NGFR: variants seen among roughly 807,000 people sequenced by gnomAD.
NGFR encodes the protein tumor necrosis factor receptor superfamily member 16.
In NGFR, 30 loss-of-function variants were observed where a neutral mutation model predicts 43.2. The observed-to-expected ratio is 0.69, with a 90% CI of 0.52 to 0.94. The LOEUF (loss-of-function observed/expected upper bound fraction) is 0.94. Among genes scored for constraint, NGFR ranks in the 40% least tolerant of loss-of-function variants. NGFR has a pLI of 0.00. For synonymous variants in NGFR, 246 were observed against 259.6 expected (o/e 0.95, Z 0.50); for missense variants, 529 against 602.5 (o/e 0.88, Z 1.28).
chr17:49,501,240 G>A (rs2071165439), intron 1 of NGFR, among the ~76,000 whole-genome samples: 1 of 152,208 alleles, frequency 6.6e-6, no homozygotes, highest in Non-Finnish European at 1.5e-5. Flanking sequence ...TGGGGGAGGG[G>A]GAGGACTGGT....
At position 49,498,019 on chromosome 17, in the gene NGFR, C is replaced by T. The variant is rs760361544; in HGVS notation, c.66+2536C>T. ...GTAGTTTCTCTTGAATTATTTAATC[C>T]TTATAAGGTCCTAGCAAGGTGAATT... On this transcript the variant is annotated intron_variant, in intron 1 of 5. Transcript: ENST00000172229. 2.6e-5 allele frequency among the ~76,000 whole-genome samples: 4 copies of T among 152,336 alleles called. No homozygotes were observed. The South Asian group carries it at 8.3e-4, about 32-fold the overall frequency.
rs778456477 is a variant in NGFR, at chr17:49,506,609, C to A, written c.519C>A (p.Thr173=). 1.9e-6 allele frequency: 3 copies of A among 1,601,454 alleles called. No homozygotes were observed. The highest frequency in any genetic ancestry group is 2.2e-5 in the South Asian group (2 of 90,232). ...TGCCCTGCACCGTGTGCGAGGACACCGAGCGCCAGCTCCGCGAGTGCACAC... is the reference window on the plus strand; with the variant it reads ...TGCCCTGCACCGTGTGCGAGGACACAGAGCGCCAGCTCCGCGAGTGCACAC... ...PCLPCTVCED[T]ERQLRECTRW... Residue 173 remains threonine, a synonymous_variant, in exon 3 of 6, where the codon ACC becomes ACA. Transcript: ENST00000172229.
At chr17:49,508,423 C>G (rs527465123) in intron 3 of NGFR, among the ~76,000 whole-genome samples, 34 of 152,304 alleles carry the variant, frequency 2.2e-4, no homozygotes, top group African/African-American at 8.2e-4. Context: ...TCATACCAGA[C>G]CCTGTTCCCC....
chr17:49,503,040 T>C (rs995715148), intron 2 of NGFR, among the ~76,000 whole-genome samples: 3 of 152,108 alleles, frequency 2.0e-5, no homozygotes, highest in Admixed American at 1.3e-4. Flanking sequence ...CTCAGCCTCC[T>C]GAGTAGCTGG....
chr17:49,504,256 C>T (rs1023638121), intron 2 of NGFR, among the ~76,000 whole-genome samples: 1 of 152,220 alleles, frequency 6.6e-6, no homozygotes, highest in Non-Finnish European at 1.5e-5. Context: ...CTGTGTTTTG[C>T]CATGAGCAGG....
At position 49,506,505 on chromosome 17, in the gene NGFR, C is replaced by G; in HGVS notation, c.415C>G (p.Gln139Glu). ...EAGSGLVFSC[Q>E]DKQNTVCEEC... The stretch of plus-strand genomic sequence containing the variant: ...GGGCTCGGGCCTCGTGTTCTCCTGC[C>G]AGGACAAGCAGAACACCGTGTGCGA... Residue 139 changes from glutamine to glutamate, a missense_variant, in exon 3 of 6, where the codon CAG (glutamine) becomes GAG (glutamate). Gln to Glu is a conservative substitution (Grantham distance 29, BLOSUM62 2). Coordinates refer to ENST00000172229, the MANE Select transcript of NGFR (RefSeq NM_002507.4). 6.2e-7 allele frequency: 1 copy of G among 1,611,618 alleles called. No individual in the cohort carries two copies. Among genetic ancestry groups the G allele is most frequent in the Non-Finnish European group, 8.5e-7 (1 of 1,179,552 alleles).
chr17:49,497,107 C>A (rs1268629184), intron 1 of NGFR: 1 of 152,282 alleles, frequency 6.6e-6, no homozygotes, highest in Non-Finnish European at 1.5e-5. Context: ...GGTACTCCCC[C>A]ACCTTTTCAG....
intron 3 of NGFR, among the ~76,000 whole-genome samples, chr17:49,507,005 A>G (rs1368227102): frequency 6.6e-6 from 1 of 152,212 alleles, no homozygotes; most frequent in Non-Finnish European, 1.5e-5. Context: ...CTGAACAGCA[A>G]GCAGCTCGAA....
At chr17:49,503,779 G>C (rs1241189850) in intron 2 of NGFR, among the ~76,000 whole-genome samples, 1 of 152,180 alleles carries the variant, frequency 6.6e-6, no homozygotes, top group African/African-American at 2.4e-5. Flanking sequence ...CAGGGCGGGG[G>C]TGGCCAACCA....
chr17:49,503,678 C>T (rs902738076), intron 2 of NGFR, among the ~76,000 whole-genome samples: 46 of 152,326 alleles, frequency 3.0e-4, no homozygotes, highest in African/African-American at 1.0e-3. Context: ...AATGCCTGGG[C>T]GTATGTGTGG....
chr17:49,502,815 T>TCTTTCTTCCTTCCTTCCTTCCTTCCTTC (rs750931350), intron 2 of NGFR, among the ~76,000 whole-genome samples: 2 of 121,504 alleles, frequency 1.6e-5, no homozygotes, highest in African/African-American at 6.2e-5. Context: ...GCCTGGGATT[T>TCTTTCTTCCTTCCTTCCTTCCTTCCTTC]CTTCCTTCCT....
chr17:49,510,611 C>T lies in NGFR; in HGVS notation c.768C>T (p.Cys256=). The T allele has an allele frequency of 6.2e-7, 1 of 1,613,984 alleles. No homozygotes were observed. The highest frequency in any genetic ancestry group is 1.6e-4 in the Middle Eastern group (1 of 6,062). ...CCGACAACCTCATCCCTGTCTATTG[C>T]TCCATCCTGGCTGCTGTGGTTGTGG... ...GTTDNLIPVY[C]SILAAVVVGL... is the part of the protein sequence containing the mutation. The change falls in exon 4 of 6, where the codon TGC becomes TGT. Residue 256 remains cysteine, a synonymous_variant. Coordinates refer to ENST00000172229, the MANE Select transcript of NGFR (RefSeq NM_002507.4).
intron 3 of NGFR, 131 bp from the exon 4 acceptor site, chr17:49,510,281 C>A: frequency 7.6e-7 from 1 of 1,320,192 alleles, no homozygotes; most frequent in Non-Finnish European, 1.0e-6. Context: ...GCAATCCCAG[C>A]TGTGCATAAC....
chr17:49,512,818 G>T lies in NGFR; in HGVS notation c.1093G>T (p.Glu365Ter). The T allele has an allele frequency of 6.2e-7, 1 of 1,613,438 alleles. No individual in the cohort carries two copies. Among genetic ancestry groups the T allele is most frequent in the Middle Eastern group, 1.7e-4 (1 of 6,060 alleles). The change falls in exon 6 of 6, where the codon GAG becomes TAG. Residue 365 changes from glutamate to a stop codon, truncating the protein, a stop_gained. Coordinates refer to ENST00000172229, the MANE Select transcript of NGFR (RefSeq NM_002507.4). LOFTEE classifies it high-confidence loss of function. The surrounding 1 kb of genome is among the most constrained non-coding windows in gnomAD (Gnocchi z 5.2). ...AGDTWRHLAG[E>*]LGYQPEHIDS... ...GGACACCTGGCGGCACCTGGCGGGCGAGCTGGGCTACCAGCCCGAGCACAT... is the reference window on the plus strand; with the variant it reads ...GGACACCTGGCGGCACCTGGCGGGCTAGCTGGGCTACCAGCCCGAGCACAT...
In NGFR at chr17:49,512,970, G is replaced by C; in HGVS notation, c.1245G>C (p.Glu415Asp). The C allele has an allele frequency of 3.7e-6, 6 of 1,604,882 alleles. No homozygotes were observed. Among genetic ancestry groups the C allele is most frequent in the Non-Finnish European group, 5.1e-6 (6 of 1,175,814 alleles). The change falls in exon 6 of 6, where the codon GAG becomes GAC. Residue 415 changes from glutamate to aspartate, a missense_variant. Coordinates refer to ENST00000172229, the MANE Select transcript of NGFR (RefSeq NM_002507.4). The surrounding 1 kb of genome is among the most constrained non-coding windows in gnomAD (Gnocchi z 5.2). ...GCATCCAGCGAGCCGACCTCGTGGA[G>C]AGTCTGTGCAGTGAGTCCACTGCCA... ...LRRIQRADLV[E>D]SLCSESTATS...
intron 3 of NGFR, 40 bp downstream of exon 3, chr17:49,506,698 G>T (rs2071201813): frequency 4.7e-6 from 2 of 423,394 alleles, no homozygotes; most frequent in Non-Finnish European, 8.1e-6. Context: ...GGGGGTGCGG[G>T]GGTGGGCTGG....
At chr17:49,497,177 T>G (rs4239164) in intron 1 of NGFR, 1 of 151,130 alleles carries the variant, frequency 6.6e-6, no homozygotes, top group Non-Finnish European at 1.5e-5. Context: ...GCGGGGGGGG[T>G]TGACACTGTC....
intron 1 of NGFR, among the ~76,000 whole-genome samples, chr17:49,500,660 T>TG (rs1460250432): frequency 6.6e-6 from 1 of 152,218 alleles, no homozygotes; most frequent in Non-Finnish European, 1.5e-5. Flanking sequence ...AGCCTGCATC[T>TG]GGGACCCTGA....
chr17:49,499,629 C>A (rs1162608562), intron 1 of NGFR, among the ~76,000 whole-genome samples: 1 of 151,968 alleles, frequency 6.6e-6, no homozygotes, highest in African/African-American at 2.4e-5. Flanking sequence ...ACTCTGCCAC[C>A]CAGGCTGGAG....
Sources: allele counts gnomAD v4.1 joint callset (sites outside exome capture counted in the v4.1 genomes callset), GRCh38; gene constraint gnomAD v4.1.1; non-coding constraint Gnocchi (gnomAD v3.1); transcripts MANE v1.5; gene names NCBI Gene and HGNC (gene_info 2026-07-23, HGNC 2026-07-21).